Variants in ACOXL observed in about 807,000 individuals in gnomAD.
ACOXL encodes acyl-CoA oxidase like.
A neutral mutation model predicts 71.9 loss-of-function variants in ACOXL; 70 were observed. That is an observed-to-expected ratio of 0.97 (90% confidence interval 0.80 to 1.19). The LOEUF (loss-of-function observed/expected upper bound fraction) is 1.19, where lower values mean the gene tolerates loss of function less well. Among genes scored for constraint, ACOXL ranks in the 50% most tolerant of loss-of-function variants. The pLI is 0.00. For synonymous variants in ACOXL, 253 were observed against 281.6 expected, an observed-to-expected ratio of 0.90 and a Z score of 1.02; for missense variants, 703 against 736.3, an observed-to-expected ratio of 0.95 and a Z score of 0.52.
chr2:110,998,920 ATAAC>A (rs1356126072), intron 14 of ACOXL, among the ~76,000 whole-genome samples: 3 of 152,260 alleles, frequency 2.0e-5, no homozygotes, highest in Non-Finnish European at 4.4e-5. Context: ...GCATTGATGT[ATAAC>A]TATACACATC....
chr2:110,874,540 A>T (rs1036589896), intron 10 of ACOXL, among the ~76,000 whole-genome samples: 1 of 152,144 alleles, frequency 6.6e-6, no homozygotes, highest in African/African-American at 2.4e-5. Context: ...CAAACCCATC[A>T]CTGTCCTCAT....
intron 2 of ACOXL, among the ~76,000 whole-genome samples, chr2:110,774,937 A>G (rs1487778382): frequency 1.3e-5 from 2 of 152,244 alleles, no homozygotes; most frequent in Non-Finnish European, 2.9e-5. Context: ...AAGCTACTAT[A>G]ATCAAAACTG....
At chr2:110,942,178 A>G (rs1361906595) in intron 12 of ACOXL, among the ~76,000 whole-genome samples, 3 of 152,250 alleles carry the variant, frequency 2.0e-5, no homozygotes, top group Admixed American at 2.0e-4. Context: ...TGAAAAGATT[A>G]TTCACATAGA....
intron 16 of ACOXL, among the ~76,000 whole-genome samples, chr2:111,055,981 G>A (rs1321132527): frequency 6.6e-6 from 1 of 152,112 alleles, no homozygotes; most frequent in African/African-American, 2.4e-5. Context: ...AAAATAAGTT[G>A]TTCAACAAAT....
rs1420483458 is a variant in ACOXL at position 111,064,444 on chromosome 2, AAC to A, written c.1440+15158_1440+15159del. On this transcript the variant is annotated intron_variant, in intron 16 of 17. Transcript: ENST00000439055. Reference sequence around the variant, plus strand: ...GAGCGACACTCCATCTCAAAAAAAAAACAAAAAAAAAACAACAACTATATAGT... The same window carrying A: ...GAGCGACACTCCATCTCAAAAAAAAAAAAAAAAAAACAACAACTATATAGT... Among the ~76,000 whole-genome samples, 6 of 149,430 alleles carry A rather than the reference AAC, an allele frequency of 4.0e-5. 1 individual carries two copies. The highest frequency in any genetic ancestry group is 2.1e-4 in the South Asian group (1 of 4,794).
chr2:110,956,441 C>T (rs370896459), intron 12 of ACOXL, among the ~76,000 whole-genome samples: 4 of 152,138 alleles, frequency 2.6e-5, no homozygotes, highest in Non-Finnish European at 5.9e-5. Context: ...TCAAAGCATG[C>T]GGCAGGATGG....
chr2:111,112,510 C>T (rs1203600616), intron 17 of ACOXL, among the ~76,000 whole-genome samples: 1 of 152,214 alleles, frequency 6.6e-6, no homozygotes, highest in Non-Finnish European at 1.5e-5. Context: ...TGCCACAGAC[C>T]TACCATCTGA....
chr2:111,018,356 C>T (rs1436041089), intron 14 of ACOXL, among the ~76,000 whole-genome samples: 1 of 152,194 alleles, frequency 6.6e-6, no homozygotes, highest in Non-Finnish European at 1.5e-5. Context: ...GTCCTATCAT[C>T]CCCAGGCAGA....
intron 16 of ACOXL, among the ~76,000 whole-genome samples, chr2:111,059,687 C>T (rs1454281986): frequency 6.6e-6 from 1 of 151,844 alleles, no homozygotes; most frequent in African/African-American, 2.4e-5. Context: ...CAGGAACTCC[C>T]TGAATTTTGT....
At chr2:110,783,417 C>T (rs1683575364) in intron 2 of ACOXL, among the ~76,000 whole-genome samples, 1 of 152,110 alleles carries the variant, frequency 6.6e-6, no homozygotes, top group South Asian at 2.1e-4. Flanking sequence ...GGGTTGGAGC[C>T]ATGGTAAGAG....
At chr2:110,883,114 T>TTG in intron 10 of ACOXL, among the ~76,000 whole-genome samples, 1 of 146,494 alleles carries the variant, frequency 6.8e-6, no homozygotes, top group East Asian at 2.1e-4. Flanking sequence ...CTGGTTTTTT[T>TTG]TTTTTTTTTT....
chr2:111,095,768 G>A (rs1190388882), intron 17 of ACOXL, among the ~76,000 whole-genome samples: 1 of 152,180 alleles, frequency 6.6e-6, no homozygotes, highest in Non-Finnish European at 1.5e-5. Context: ...TGGGAAATAA[G>A]CAGGCAGGAG....
chr2:111,022,993 T>C (rs2064843475), intron 14 of ACOXL, among the ~76,000 whole-genome samples: 1 of 152,182 alleles, frequency 6.6e-6, no homozygotes, highest in African/African-American at 2.4e-5. Context: ...GAAGCAATCA[T>C]AGTGTTGGCC....
intron 9 of ACOXL, among the ~76,000 whole-genome samples, chr2:110,815,781 A>G (rs1200099209): frequency 1.3e-5 from 2 of 152,210 alleles, no homozygotes; most frequent in Non-Finnish European, 2.9e-5. Context: ...GGGGTGCCCA[A>G]GGGCTTCTGT....
intron 12 of ACOXL, among the ~76,000 whole-genome samples, chr2:110,937,211 G>A (rs1354450300): frequency 1.3e-5 from 2 of 152,132 alleles, no homozygotes; most frequent in East Asian, 3.8e-4. Context: ...ACCATGGCTT[G>A]GCATTTCTGA....
At chr2:110,957,438 G>C (rs1422719290) in intron 12 of ACOXL, among the ~76,000 whole-genome samples, 1 of 152,154 alleles carries the variant, frequency 6.6e-6, no homozygotes, top group African/African-American at 2.4e-5. Flanking sequence ...TGTGCTGGCT[G>C]CTATACGAAG....
Position 110,957,850 on chromosome 2 carries a change from A to C in ACOXL, c.1059+24208A>C, listed in dbSNP as rs2061556311. On this transcript the variant is annotated intron_variant, in intron 12 of 17. Coordinates refer to ENST00000439055, the MANE Select transcript of ACOXL (RefSeq NM_001142807.4). ...GGCGGGCGGATCACCTGAGGTGAGG[A>C]GTTCCAGACCAGCCTGGCCAACATG... Among the ~76,000 whole-genome samples the C allele has an allele frequency of 4.6e-5, 7 of 152,066 alleles. No individual in the cohort carries two copies. In the South Asian group the frequency reaches 1.5e-3, roughly 32 times the overall value.
intron 14 of ACOXL, among the ~76,000 whole-genome samples, chr2:111,013,243 G>T (rs1191401679): frequency 6.6e-6 from 1 of 152,038 alleles, no homozygotes; most frequent in Non-Finnish European, 1.5e-5. Context: ...AAAAAATGGG[G>T]GCCAGGTGCG....
intron 9 of ACOXL, among the ~76,000 whole-genome samples, chr2:110,806,645 GTC>G (rs1686678952): frequency 6.6e-6 from 1 of 152,248 alleles, no homozygotes; most frequent in Non-Finnish European, 1.5e-5. Context: ...TGTGATAGCA[GTC>G]TCTGCACAAT....
Sources: allele counts gnomAD v4.1 joint callset (sites outside exome capture counted in the v4.1 genomes callset), GRCh38; gene constraint gnomAD v4.1.1; transcripts MANE v1.5; gene names NCBI Gene and HGNC (gene_info 2026-07-23, HGNC 2026-07-21).